Variants in GALNT18 observed in about 807,000 individuals in gnomAD.
GALNT18 encodes the protein GalNAc-transferase 18.
GALNT18 carries 44 observed loss-of-function variants against 69.5 expected under a neutral mutation model. The observed-to-expected ratio is 0.63, with a 90% CI of 0.50 to 0.81. GALNT18 has a LOEUF of 0.81. GALNT18 is among the 40% of genes least tolerant of loss of function. The pLI is 0.00. For synonymous variants in GALNT18, 364 were observed against 318.2 expected (o/e 1.14, Z -1.53); for missense variants, 715 against 810.0 (o/e 0.88, Z 1.42).
intron 1 of GALNT18, among the ~76,000 whole-genome samples, chr11:11,609,749 C>A (rs1859850549): frequency 6.6e-6 from 1 of 152,196 alleles, no homozygotes; most frequent in African/African-American, 2.4e-5. Context: ...TTGGTGTCCA[C>A]CTCCTATAAC....
chr11:11,532,068 T>C (rs1857663745), intron 1 of GALNT18, among the ~76,000 whole-genome samples: 1 of 152,182 alleles, frequency 6.6e-6, no homozygotes, highest in African/African-American at 2.4e-5. Context: ...CGAGCATTCA[T>C]CTCTGAATCC....
rs1162954270 is a variant in GALNT18 at position 11,309,604 on chromosome 11, G to C, written c.1513-16411C>G. On this transcript the variant is annotated intron_variant, in intron 9 of 10. Transcript: ENST00000227756. The surrounding 1 kb of genome is among the most constrained non-coding windows in gnomAD (Gnocchi z 4.6). ...CTCCACACCTGTTCCCTGGAGGCTA[G>C]CACCACCAGAGAAAATTCATGGAAC... Among the ~76,000 whole-genome samples, 1 of 151,980 alleles carries C rather than the reference G, an allele frequency of 6.6e-6. No homozygotes were observed. Among genetic ancestry groups the C allele is most frequent in the Non-Finnish European group, 1.5e-5 (1 of 68,018 alleles).
rs1854832666 is a variant in GALNT18, at chr11:11,415,391, C to T, written c.595+17230G>A. ...CCACACAGTGATCAATAAATAGTTG[C>T]CGAATGAGAAAATAACGTGTCCTTG... On this transcript the variant is annotated intron_variant, in intron 3 of 10. Transcript: ENST00000227756. This position sits in a 1 kb window ranked among gnomAD's most constrained non-coding sequence, Gnocchi z 4.1. 6.6e-6 allele frequency among the ~76,000 whole-genome samples: 1 copy of T among 152,050 alleles called. No homozygotes were observed. The highest frequency in any genetic ancestry group is 6.5e-5 in the Admixed American group (1 of 15,268).
In GALNT18 at chr11:11,454,230, T is replaced by C. The variant is rs1279279336; in HGVS notation, c.236-5294A>G. ...ATTCCAGCTGTGTGCAGTTAATTCC[T>C]CCCCAGTTCACTTAAGCAAATGATT... On this transcript the variant is annotated intron_variant, in intron 1 of 10. Transcript: ENST00000227756. The surrounding 1 kb of genome is among the most constrained non-coding windows in gnomAD (Gnocchi z 4.2). Among the ~76,000 whole-genome samples, 2 of 152,096 alleles carry C rather than the reference T, an allele frequency of 1.3e-5. No homozygotes were observed. The highest frequency in any genetic ancestry group is 2.9e-5 in the Non-Finnish European group (2 of 68,010).
At chr11:11,442,223 A>C (rs1399770725) in intron 2 of GALNT18, among the ~76,000 whole-genome samples, 1 of 152,004 alleles carries the variant, frequency 6.6e-6, no homozygotes, top group South Asian at 2.1e-4. Flanking sequence ...TCTTTCTCAC[A>C]TTGTCATCTC....
At chr11:11,297,806 T>C (rs1849428416) in intron 9 of GALNT18, among the ~76,000 whole-genome samples, 1 of 151,362 alleles carries the variant, frequency 6.6e-6, no homozygotes, top group Non-Finnish European at 1.5e-5. Flanking sequence ...AATGATTGAT[T>C]TGGCTCATTC....
chr11:11,354,104 C>T (rs1564907439), intron 6 of GALNT18, among the ~76,000 whole-genome samples: 1 of 152,206 alleles, frequency 6.6e-6, no homozygotes, highest in Non-Finnish European at 1.5e-5. Flanking sequence ...TGGTATGCTA[C>T]ATCTTCTCTT....
rs554855766 is a variant in GALNT18, at chr11:11,436,914, G to A, written c.429-4127C>T. Among the ~76,000 whole-genome samples the A allele has an allele frequency of 4.6e-5, 7 of 152,248 alleles. No individual in the cohort carries two copies. Among genetic ancestry groups the A allele is most frequent in the South Asian group, 2.1e-4 (1 of 4,810 alleles). On this transcript the variant is annotated intron_variant, in intron 2 of 10. Coordinates refer to ENST00000227756, the MANE Select transcript of GALNT18 (RefSeq NM_198516.3). This position sits in a 1 kb window ranked among gnomAD's most constrained non-coding sequence, Gnocchi z 4.5. ...TGCTGCAGAGTCCAGCCACTTTCTCGGCCTGGCAACCCAGCACTGACCCAG... is the reference window on the plus strand; with the variant it reads ...TGCTGCAGAGTCCAGCCACTTTCTCAGCCTGGCAACCCAGCACTGACCCAG...
At position 11,616,613 on chromosome 11, in the gene GALNT18, T is replaced by A. The variant is rs1193903313; in HGVS notation, c.235+4746A>T. Reference sequence around the variant, plus strand: ...GTCATTAAAAATACAGTAAAAGTTCTCTTTAGAAACTCTCCATTTAATCAA... The same window carrying A: ...GTCATTAAAAATACAGTAAAAGTTCACTTTAGAAACTCTCCATTTAATCAA... On this transcript the variant is annotated intron_variant, in intron 1 of 10. Coordinates refer to ENST00000227756, the MANE Select transcript of GALNT18 (RefSeq NM_198516.3). The surrounding 1 kb of genome is among the most constrained non-coding windows in gnomAD (Gnocchi z 4.4). 6.6e-6 allele frequency among the ~76,000 whole-genome samples: 1 copy of A among 152,248 alleles called. No individual in the cohort carries two copies. Among genetic ancestry groups the A allele is most frequent in the Non-Finnish European group, 1.5e-5 (1 of 68,044 alleles).
rs925837829 is a variant in GALNT18 at position 11,595,527 on chromosome 11, T to C, written c.235+25832A>G. ...ATGAACTAAGACACATTCTCTTCAA[T>C]AGTGTATGAGGATTCCAACTTCTCC... On this transcript the variant is annotated intron_variant, in intron 1 of 10. Coordinates refer to ENST00000227756, the MANE Select transcript of GALNT18 (RefSeq NM_198516.3). This position sits in a 1 kb window ranked among gnomAD's most constrained non-coding sequence, Gnocchi z 5.2. Among the ~76,000 whole-genome samples the C allele has an allele frequency of 6.6e-5, 10 of 152,222 alleles. No individual in the cohort carries two copies. The highest frequency in any genetic ancestry group is 2.2e-4 in the African/African-American group (9 of 41,468).
chr11:11,559,974 A>G (rs1239090001), intron 1 of GALNT18, among the ~76,000 whole-genome samples: 1 of 151,970 alleles, frequency 6.6e-6, no homozygotes, highest in East Asian at 1.9e-4. Flanking sequence ...ATGCGATGGA[A>G]CAGAATGAGA....
Position 11,396,951 on chromosome 11 carries a change from T to C in GALNT18, c.596-17687A>G, listed in dbSNP as rs150596210. Among the ~76,000 whole-genome samples the C allele has an allele frequency of 9.2e-5, 14 of 152,226 alleles. No homozygotes were observed. The highest frequency in any genetic ancestry group is 1.5e-4 in the Non-Finnish European group (10 of 68,002). On this transcript the variant is annotated intron_variant, in intron 3 of 10. Transcript: ENST00000227756. This position sits in a 1 kb window ranked among gnomAD's most constrained non-coding sequence, Gnocchi z 5.2. ...AGAATGATGCCATAGTTCTCTCCCCTGTGCATCTTGGGGGTCTCTGGGAGT... is the reference window on the plus strand; with the variant it reads ...AGAATGATGCCATAGTTCTCTCCCCCGTGCATCTTGGGGGTCTCTGGGAGT...
At chr11:11,418,966 A>T (rs1430747993) in intron 3 of GALNT18, among the ~76,000 whole-genome samples, 1 of 152,080 alleles carries the variant, frequency 6.6e-6, no homozygotes, top group African/African-American at 2.4e-5. Context: ...AGTGGGAGGG[A>T]CCTACACAGT....
chr11:11,272,513 G>C (rs1014645887), intron 10 of GALNT18, among the ~76,000 whole-genome samples: 1 of 152,166 alleles, frequency 6.6e-6, no homozygotes, highest in Non-Finnish European at 1.5e-5. Flanking sequence ...TGCCTTTCTA[G>C]CCTCATCTCT....
At chr11:11,549,277 C>T (rs1437611132) in intron 1 of GALNT18, among the ~76,000 whole-genome samples, 1 of 152,236 alleles carries the variant, frequency 6.6e-6, no homozygotes, top group Non-Finnish European at 1.5e-5. Flanking sequence ...CAGTCCCAGA[C>T]TGCTTAACTC....
chr11:11,316,099 C>T (rs943860357), intron 9 of GALNT18, among the ~76,000 whole-genome samples: 5 of 152,136 alleles, frequency 3.3e-5, no homozygotes, highest in African/African-American at 7.2e-5. Flanking sequence ...GAAAAAGCTG[C>T]AGGAGTGTAC....
Position 11,417,156 on chromosome 11 carries a change from C to G in GALNT18, c.595+15465G>C, listed in dbSNP as rs200096044. ...CAACCCAGGGACAGAATCCACACCA[C>G]CATTGCAAAACCATGCGCCTTTCTG... On this transcript the variant is annotated intron_variant, in intron 3 of 10. Transcript: ENST00000227756. Among the ~76,000 whole-genome samples, 79 of 152,332 alleles carry G rather than the reference C, an allele frequency of 5.2e-4. No homozygotes were observed. In the East Asian group the frequency reaches 0.013, roughly 24 times the overall value.
rs1853964515 is a variant in GALNT18 at position 11,383,230 on chromosome 11, GA to G, written c.596-3967del. Among the ~76,000 whole-genome samples, 1 of 152,158 alleles carries G rather than the reference GA, an allele frequency of 6.6e-6. No homozygotes were observed. Among genetic ancestry groups the G allele is most frequent in the South Asian group, 2.1e-4 (1 of 4,822 alleles). ...CATTTCTTCAGACTTAGACGCCAAG[GA>G]AACACAGGGGATTCACCAGCCTGGT... On this transcript the variant is annotated intron_variant, in intron 3 of 10. Transcript: ENST00000227756. This position sits in a 1 kb window ranked among gnomAD's most constrained non-coding sequence, Gnocchi z 5.2.
intron 1 of GALNT18, among the ~76,000 whole-genome samples, chr11:11,520,704 G>A (rs1231280785): frequency 6.6e-6 from 1 of 152,194 alleles, no homozygotes; most frequent in Non-Finnish European, 1.5e-5. Flanking sequence ...GCAGCACAGT[G>A]CTGACCACGA....
Sources: allele counts gnomAD v4.1 joint callset (sites outside exome capture counted in the v4.1 genomes callset), GRCh38; gene constraint gnomAD v4.1.1; non-coding constraint Gnocchi (gnomAD v3.1); transcripts MANE v1.5; gene names NCBI Gene and HGNC (gene_info 2026-07-23, HGNC 2026-07-21).